Variants in SKP1 observed in about 807,000 individuals in gnomAD.
SKP1 encodes the protein S-phase kinase associated protein 1.
Under a neutral mutation model 21.5 loss-of-function variants are expected in SKP1, and 1 was observed. The observed-to-expected ratio is 0.05, with a 90% CI of 0.02 to 0.22. The LOEUF (loss-of-function observed/expected upper bound fraction) is 0.22. Among genes scored for constraint, SKP1 ranks in the 10% least tolerant of loss-of-function variants. The pLI is 1.00. For synonymous variants in SKP1, 59 were observed against 59.3 expected, an observed-to-expected ratio of 0.99 and a Z score of 0.03; for missense variants, 70 against 192.0, an observed-to-expected ratio of 0.36 and a Z score of 3.76.
At position 134,158,554 on chromosome 5, in the gene SKP1, T is replaced by C. The variant is rs372396069; in HGVS notation, c.357A>G (p.Thr119=). ...YLDIKGLLDV[T]CKTVANMIKG... ...TGATCATATTGGCAACAGTCTTGCA[T>C]GTAACATCAAGCAAACCTTTGATGT... Residue 119 remains threonine (T), a synonymous_variant, in exon 5 of 6, where the codon ACA becomes ACG. Transcript: ENST00000353411. 1 of 1,613,674 alleles carries C rather than the reference T, an allele frequency of 6.2e-7. No individual in the cohort carries two copies. The highest frequency in any genetic ancestry group is 8.5e-7 in the Non-Finnish European group (1 of 1,179,668).
At chr5:134,176,689 G>T (rs1278078266) in intron 1 of SKP1, 166 bp downstream of exon 1, 2 of 152,384 alleles carry the variant, frequency 1.3e-5, no homozygotes, top group African/African-American at 2.4e-5. Flanking sequence ...ACGGAACCTG[G>T]TAGGGTCTCC....
At chr5:134,170,982 GT>G (rs748223530) in intron 2 of SKP1, 3 of 452,922 alleles carry the variant, frequency 6.6e-6, no homozygotes, top group Admixed American at 2.4e-5. Context: ...ATTGCTTTCA[GT>G]TTTTTTTAGT....
At chr5:134,166,580 CAAAAAAAAAAAAAAAA>C (rs36106913) in intron 3 of SKP1, among the ~76,000 whole-genome samples, 7 of 52,538 alleles carry the variant, frequency 1.3e-4, no homozygotes, top group East Asian at 8.4e-4. Flanking sequence ...ACTCTGGTCT[CAAAAAAAAAAAAAAAA>C]AAAAAAAAAA....
intron 4 of SKP1, among the ~76,000 whole-genome samples, chr5:134,160,007 A>AT (rs1761190620): frequency 6.6e-6 from 1 of 151,740 alleles, no homozygotes; most frequent in African/African-American, 2.4e-5. Context: ...GGCCCAGAAC[A>AT]TGGTCTATTT....
chr5:134,174,401 T>G (rs1229703155), intron 1 of SKP1: 3 of 656,172 alleles, frequency 4.6e-6, no homozygotes, highest in Non-Finnish European at 5.8e-6. Flanking sequence ...CTGAGGAAGG[T>G]CAGTCCAAAA....
At position 134,155,333 on chromosome 5, in the gene SKP1, T is replaced by C. The variant is rs1761105074; in HGVS notation, c.*2400A>G. ...AGTTCTAGTAGATATATTAAAGGAA[T>C]AGTGGGCATACAGCAGGGAACAGGA... On this transcript the variant is annotated 3_prime_UTR_variant, in exon 6 of 6. Coordinates refer to ENST00000353411, the MANE Select transcript of SKP1 (RefSeq NM_170679.3). 6.6e-6 allele frequency: 1 copy of C among 152,132 alleles called. No individual in the cohort carries two copies. The highest frequency in any genetic ancestry group is 2.4e-5 in the African/African-American group (1 of 41,412). The allele number at this position is 152,132 out of a possible 1,614,324, so 9.4% of individuals were successfully genotyped here.
intron 3 of SKP1, among the ~76,000 whole-genome samples, chr5:134,163,243 C>CCAA (rs1761254674): frequency 7.5e-6 from 1 of 132,978 alleles, no homozygotes. Context: ...ACTATCACTA[C>CCAA]TAACAAAAAA....
At position 134,158,771 on chromosome 5, in the gene SKP1, T is replaced by C. The variant is rs73790201; in HGVS notation, c.316-176A>G. The C allele has an allele frequency of 9.0e-3, 5,683 of 631,580 alleles. 231 individuals carry two copies. The African/African-American group carries it at 0.093, about 10-fold the overall frequency. The allele number at this position is 631,580 out of a possible 1,614,324, so 39.1% of individuals were successfully genotyped here. ...TGAAAGACTTTTATGTGACCTTCTT[T>C]GTTATACCTCTATAATGTTGAATCC... On this transcript the variant is annotated intron_variant, in intron 4 of 5. Coordinates refer to ENST00000353411, the MANE Select transcript of SKP1 (RefSeq NM_170679.3).
chr5:134,173,930 C>T lies in SKP1; in HGVS notation c.93G>A (p.Leu31=). The stretch of plus-strand genomic sequence containing the variant: ...CAGGTTTTCCAATGAACTTACCTTC[C>T]AACATGGTCTTAATAGTCACAGATT... ...AKQSVTIKTM[L]EDLGMDDEGD... The change falls in exon 2 of 6, where the codon TTG becomes TTA. Residue 31 remains leucine, a synonymous_variant. Transcript: ENST00000353411. 1 of 1,578,918 alleles carries T rather than the reference C, an allele frequency of 6.3e-7. No individual in the cohort carries two copies. Among genetic ancestry groups the T allele is most frequent in the Non-Finnish European group, 8.7e-7 (1 of 1,148,074 alleles).
Position 134,157,109 on chromosome 5 carries a change from G to T in SKP1, c.*624C>A, listed in dbSNP as rs1761132948. The stretch of plus-strand genomic sequence containing the variant: ...CATTTCTCCCAAAAAACCACAAACT[G>T]GGTAGTAACTGAGTCTCTAGGCAAT... On this transcript the variant is annotated 3_prime_UTR_variant, in exon 6 of 6. Coordinates refer to ENST00000353411, the MANE Select transcript of SKP1 (RefSeq NM_170679.3). 1 of 152,576 alleles carries T rather than the reference G, an allele frequency of 6.6e-6. No homozygotes were observed. The highest frequency in any genetic ancestry group is 6.5e-5 in the Admixed American group (1 of 15,276). 9.5% of individuals were successfully genotyped at this position (152,576 alleles called of 1,614,324 possible). A position where few individuals can be genotyped will look rare whatever the true frequency, so the allele number is the denominator to read the frequency against.
At chr5:134,167,095 T>C (rs926132269) in intron 3 of SKP1, 75 bp downstream of exon 3, 15 of 734,384 alleles carry the variant, frequency 2.0e-5, no homozygotes, top group African/African-American at 1.3e-4. Flanking sequence ...CTAACATAGA[T>C]TGTTGAATTA....
At chr5:134,158,124 G>C in intron 5 of SKP1, 1 of 1,385,264 alleles carries the variant, frequency 7.2e-7, no homozygotes, top group Non-Finnish European at 9.4e-7. Flanking sequence ...AAGTACCCTA[G>C]TATATACTTC....
rs1475310380 is a variant in SKP1, at chr5:134,155,106, C to T, written c.*2627G>A. 5 of 152,128 alleles carry T rather than the reference C, an allele frequency of 3.3e-5. No individual in the cohort carries two copies. Among genetic ancestry groups the T allele is most frequent in the Non-Finnish European group, 7.4e-5 (5 of 68,024 alleles). The allele number at this position is 152,128 out of a possible 1,614,324, so 9.4% of individuals were successfully genotyped here. On this transcript the variant is annotated 3_prime_UTR_variant, in exon 6 of 6. Transcript: ENST00000353411. ...GCAGACTGCACTAGATCTATAAAAC[C>T]GTAGTACCTATTTCCAACTTGCCCA...
chr5:134,172,090 C>T (rs1761453519), intron 2 of SKP1, among the ~76,000 whole-genome samples: 1 of 152,226 alleles, frequency 6.6e-6, no homozygotes. Flanking sequence ...GTATTACATA[C>T]TGCAATCTCT....
chr5:134,173,891 C>T (rs1055923487), intron 2 of SKP1, 35 bp downstream of exon 2: 4 of 1,112,424 alleles, frequency 3.6e-6, no homozygotes, highest in South Asian at 1.2e-5. Flanking sequence ...TCAAATTACA[C>T]ATTTCCTCCC....
chr5:134,174,624 T>A (rs1761503802), intron 1 of SKP1: 1 of 258,250 alleles, frequency 3.9e-6, no homozygotes, highest in Non-Finnish European at 6.1e-6. Context: ...GCCCTTTTTA[T>A]CTTTCAGTAC....
intron 2 of SKP1, chr5:134,173,368 G>A: frequency 5.3e-6 from 1 of 189,248 alleles, no homozygotes; most frequent in Non-Finnish European, 1.1e-5. Context: ...GCACGTGCCT[G>A]TAGTCCCAGT....
Position 134,151,452 on chromosome 5 carries a change from G to A in SKP1, c.*6281C>T, listed in dbSNP as rs1761041650. 3.7e-6 allele frequency: 1 copy of A among 268,452 alleles called. No homozygotes were observed. Among genetic ancestry groups the A allele is most frequent in the Non-Finnish European group, 7.7e-6 (1 of 130,236 alleles). 16.6% of individuals were successfully genotyped at this position (268,452 alleles called of 1,614,324 possible). A position where few individuals can be genotyped will look rare whatever the true frequency, so the allele number is the denominator to read the frequency against. On this transcript the variant is annotated 3_prime_UTR_variant, in exon 6 of 6. Transcript: ENST00000353411. Reference sequence around the variant, plus strand: ...AAAAATCTGCAAAGCAACTGAAGAAGGCAGTTAGAGGTTGTGAAATGGTAC... The same window carrying A: ...AAAAATCTGCAAAGCAACTGAAGAAAGCAGTTAGAGGTTGTGAAATGGTAC...
rs762765218 is a variant in SKP1 at position 134,158,466 on chromosome 5, C to T, written c.445G>A (p.Glu149Lys). 1 of 1,614,024 alleles carries T rather than the reference C, an allele frequency of 6.2e-7. No homozygotes were observed. The highest frequency in any genetic ancestry group is 1.7e-5 in the Admixed American group (1 of 60,016). ...FNIKNDFTEE[E>K]EAQVRKENQW... ...TGTGTGCTACCTACCTGGGCTTCCTCCTCTTCAGTAAAGTCATTTTTGATA... is the reference window on the plus strand; with the variant it reads ...TGTGTGCTACCTACCTGGGCTTCCTTCTCTTCAGTAAAGTCATTTTTGATA... The change falls in exon 5 of 6, where the codon GAG becomes AAG. Residue 149 changes from glutamate to lysine, a missense_variant. Physicochemically the swap from Glu to Lys is moderately conservative, Grantham distance 56. This residue lies in a region of SKP1 where 14 missense variants were observed against 82.1 expected (regional missense o/e 0.17). Coordinates refer to ENST00000353411, the MANE Select transcript of SKP1 (RefSeq NM_170679.3).
Sources: allele counts gnomAD v4.1 joint callset (sites outside exome capture counted in the v4.1 genomes callset), GRCh38; gene constraint gnomAD v4.1.1; regional missense constraint gnomAD v4.1.1; transcripts MANE v1.5; gene names NCBI Gene and HGNC (gene_info 2026-07-23, HGNC 2026-07-21).